The following TRDN variants were observed in gnomAD, a reference collection of about 807,000 sequenced individuals.
TRDN encodes the protein triadin.
TRDN carries 161 observed loss-of-function variants against 149.7 expected under a neutral mutation model. The observed-to-expected ratio is 1.08, with a 90% CI of 0.95 to 1.23. TRDN has a LOEUF of 1.23. TRDN is among the 50% of genes most tolerant of loss of function. The pLI, the probability that TRDN is intolerant of heterozygous loss-of-function variation, is 0.00. For synonymous variants in TRDN, 294 were observed against 250.5 expected (o/e 1.17, Z -1.64); for missense variants, 896 against 823.5 (o/e 1.09, Z -1.08).
At chr6:123,315,155 T>C (rs1301404632) in intron 24 of TRDN, among the ~76,000 whole-genome samples, 1 of 152,014 alleles carries the variant, frequency 6.6e-6, no homozygotes, top group East Asian at 1.9e-4. Flanking sequence ...GACAACATAA[T>C]GCACCTTTTA....
chr6:123,245,739 G>T (rs1444756728), intron 38 of TRDN, among the ~76,000 whole-genome samples: 1 of 152,088 alleles, frequency 6.6e-6, no homozygotes, highest in East Asian at 1.9e-4. Context: ...GACCCAAGCG[G>T]ACCTAACAGA....
intron 24 of TRDN, among the ~76,000 whole-genome samples, chr6:123,308,275 GCTTGATTCCATGT>G (rs1778688569): frequency 6.7e-6 from 1 of 149,990 alleles, no homozygotes. Flanking sequence ...TGGGCACCTA[GCTTGATTCCATGT>G]CTTTGTTATT....
At chr6:123,488,976 T>G (rs1778090202) in intron 9 of TRDN, 1 of 152,148 alleles carries the variant, frequency 6.6e-6, no homozygotes, top group Non-Finnish European at 1.5e-5. Context: ...TATATAAGAT[T>G]TCCATAGCCT....
At chr6:123,324,114 A>G (rs1452481816) in intron 23 of TRDN, among the ~76,000 whole-genome samples, 1 of 152,156 alleles carries the variant, frequency 6.6e-6, no homozygotes, top group Non-Finnish European at 1.5e-5. Context: ...ACAAGCAGGC[A>G]TTCCTTAGTT....
At chr6:123,415,599 A>T (rs1038634770) in intron 12 of TRDN, among the ~76,000 whole-genome samples, 1 of 152,220 alleles carries the variant, frequency 6.6e-6, no homozygotes. Flanking sequence ...TAAAAATAGT[A>T]AGTGTACTAG....
intron 19 of TRDN, among the ~76,000 whole-genome samples, chr6:123,373,674 C>T (rs549847990): frequency 2.0e-5 from 3 of 152,082 alleles, no homozygotes; most frequent in Non-Finnish European, 4.4e-5. Context: ...GACTTTAACC[C>T]TGTCAATCTC....
At position 123,381,375 on chromosome 6, in the gene TRDN, C is replaced by A; in HGVS notation, c.1181G>T (p.Gly394Val). 6.4e-7 allele frequency: 1 copy of A among 1,556,890 alleles called. No homozygotes were observed. The highest frequency in any genetic ancestry group is 8.7e-7 in the Non-Finnish European group (1 of 1,149,308). ...CACTGCATGCATTTCCTTACTTTTT[C>A]CCTTGGGTTGTTCTACTGAAAGAAA... The part of the protein sequence containing the change: ...KKPAEVEQPK[G>V]KKQEKKEKHV... The change falls in exon 16 of 41, where the codon GGA becomes GTA. Residue 394 changes from glycine to valine, a missense_variant. Transcript: ENST00000334268.
intron 12 of TRDN, among the ~76,000 whole-genome samples, chr6:123,428,347 C>T (rs557375240): frequency 2.0e-5 from 3 of 152,270 alleles, no homozygotes; most frequent in African/African-American, 7.2e-5. Flanking sequence ...TCCACCCCTA[C>T]CCGCTTTCCC....
At chr6:123,316,314 A>G in intron 24 of TRDN, 143 bp downstream of exon 24, 1 of 767,568 alleles carries the variant, frequency 1.3e-6, no homozygotes, top group East Asian at 2.7e-5. Flanking sequence ...CTTGTAAAAT[A>G]TATGGCACAT....
At chr6:123,421,246 A>G (rs1000704220) in intron 12 of TRDN, among the ~76,000 whole-genome samples, 40 of 152,150 alleles carry the variant, frequency 2.6e-4, no homozygotes, top group Admixed American at 5.2e-4. Flanking sequence ...ACCTGTCACC[A>G]GCATTGTTGT....
At chr6:123,255,194 A>C (rs1208754195) in intron 36 of TRDN, 69 bp from the exon 37 acceptor site, 2 of 732,532 alleles carry the variant, frequency 2.7e-6, no homozygotes, top group Admixed American at 3.3e-5. Flanking sequence ...ATTTTGTCTC[A>C]CATCAACGAA....
At chr6:123,359,841 A>G (rs574678315) in intron 20 of TRDN, among the ~76,000 whole-genome samples, 18 of 151,936 alleles carry the variant, frequency 1.2e-4, no homozygotes, top group South Asian at 6.2e-4. Context: ...GATTACAGGC[A>G]CCTGCCACCA....
chr6:123,589,907 T>C (rs1430670012), intron 1 of TRDN, among the ~76,000 whole-genome samples: 1 of 152,332 alleles, frequency 6.6e-6, no homozygotes, highest in East Asian at 1.9e-4. Flanking sequence ...ATTTTACTTT[T>C]TTCAGTATTC....
intron 9 of TRDN, among the ~76,000 whole-genome samples, chr6:123,487,195 T>C (rs955760892): frequency 6.6e-6 from 1 of 151,998 alleles, no homozygotes; most frequent in African/African-American, 2.4e-5. Context: ...AAAGATATAT[T>C]GCTCCATTTC....
chr6:123,502,468 A>G, intron 8 of TRDN: 1 of 798,082 alleles, frequency 1.3e-6, no homozygotes, highest in Non-Finnish European at 1.5e-6. Context: ...ATCACTAAAA[A>G]AAGAAAAAAT....
intron 16 of TRDN, among the ~76,000 whole-genome samples, chr6:123,381,013 A>T (rs1304949619): frequency 1.3e-5 from 2 of 152,162 alleles, no homozygotes; most frequent in African/African-American, 2.4e-5. Context: ...TAGCCTGTAA[A>T]AGAACTTCTA....
rs375231451 is a variant in TRDN at position 123,558,192 on chromosome 6, G to C, written c.233-9580C>G. ...TCCCAAACTTCCTTCTTTCCCTCCC[G>C]CCTGTCCCCTCAGTCCCAACCCCAA... is the stretch of plus-strand genomic sequence containing the variant. On this transcript the variant is annotated intron_variant, in intron 2 of 40. Coordinates refer to ENST00000334268, the MANE Select transcript of TRDN (RefSeq NM_006073.4). Among the ~76,000 whole-genome samples the C allele has an allele frequency of 3.6e-4, 54 of 151,590 alleles. 3 individuals carry two copies.
intron 14 of TRDN, among the ~76,000 whole-genome samples, chr6:123,382,716 A>G (rs1452123497): frequency 6.6e-6 from 1 of 152,022 alleles, no homozygotes; most frequent in Non-Finnish European, 1.5e-5. Context: ...TATATTTATA[A>G]CTGTTATGTA....
At chr6:123,309,927 C>T (rs1778753285) in intron 24 of TRDN, among the ~76,000 whole-genome samples, 1 of 151,958 alleles carries the variant, frequency 6.6e-6, no homozygotes, top group Admixed American at 6.6e-5. Flanking sequence ...GTGCCATGCA[C>T]AGTCAAGAGA....
Sources: allele counts gnomAD v4.1 joint callset (sites outside exome capture counted in the v4.1 genomes callset), GRCh38; gene constraint gnomAD v4.1.1; transcripts MANE v1.5; gene names NCBI Gene and HGNC (gene_info 2026-07-23, HGNC 2026-07-21).